Variants in AFF1 observed in about 807,000 individuals in gnomAD.
AFF1 encodes the protein ALF transcription elongation factor 1.
Under a neutral mutation model 121.7 loss-of-function variants are expected in AFF1, and 48 were observed. The ratio of observed to expected loss-of-function variants is 0.39; its 90% CI spans 0.31 to 0.50. AFF1 has a LOEUF of 0.50. Among genes scored for constraint, AFF1 ranks in the 20% least tolerant of loss-of-function variants. The probability of loss-of-function intolerance (pLI) is 0.76; values close to 1 mark genes in which losing one functional copy is unlikely to be tolerated. For missense variants in AFF1, 1,523 were observed against 1,511.7 expected, an observed-to-expected ratio of 1.01 and a Z score of -0.12; for synonymous variants, 613 against 563.0, an observed-to-expected ratio of 1.09 and a Z score of -1.26.
At chr4:86,940,194 C>G (rs996570272) in intron 1 of AFF1, among the ~76,000 whole-genome samples, 2 of 152,212 alleles carry the variant, frequency 1.3e-5, no homozygotes, top group Middle Eastern at 3.4e-3. Flanking sequence ...GAGGTTTTAC[C>G]CTACTCTCAA....
chr4:87,105,099 T>A (rs1200469576), intron 8 of AFF1, among the ~76,000 whole-genome samples: 1 of 152,240 alleles, frequency 6.6e-6, no homozygotes, highest in Non-Finnish European at 1.5e-5. Flanking sequence ...TGTATTTAAT[T>A]CTAATGTTGA....
chr4:86,950,079 C>A, intron 2 of AFF1: 2 of 1,614,076 alleles, frequency 1.2e-6, no homozygotes, highest in South Asian at 2.2e-5. Context: ...ATCCACGCGG[C>A]GAAGCCCCAG....
At chr4:87,083,352 C>T (rs947319842) in intron 4 of AFF1, among the ~76,000 whole-genome samples, 4 of 152,082 alleles carry the variant, frequency 2.6e-5, no homozygotes, top group East Asian at 3.9e-4. Context: ...ACTTTGTGTG[C>T]GTCTGTGTAT....
chr4:87,008,450 A>G (rs1387173919), intron 2 of AFF1, among the ~76,000 whole-genome samples: 2 of 152,304 alleles, frequency 1.3e-5, no homozygotes, highest in African/African-American at 2.4e-5. Flanking sequence ...AGTACCTCCT[A>G]TGTGCTACCT....
At chr4:87,022,582 A>ATATATATATATC (rs1316133807) in intron 2 of AFF1, among the ~76,000 whole-genome samples, 4 of 88,566 alleles carry the variant, frequency 4.5e-5, no homozygotes, top group Admixed American at 1.2e-4. Context: ...ATATATATAT[A>ATATATATATATC]TCTATCTATA....
At chr4:86,962,461 TAATA>T (rs1722222756) in intron 2 of AFF1, among the ~76,000 whole-genome samples, 1 of 152,246 alleles carries the variant, frequency 6.6e-6, no homozygotes. Context: ...AATAGACATT[TAATA>T]AATATTAATT....
chr4:86,988,328 C>T (rs1354887419), intron 2 of AFF1, among the ~76,000 whole-genome samples: 1 of 152,086 alleles, frequency 6.6e-6, no homozygotes, highest in African/African-American at 2.4e-5. Flanking sequence ...CTCCATACCC[C>T]GCCTCCCAGC....
At chr4:87,086,028 C>T (rs779203235) in intron 5 of AFF1, among the ~76,000 whole-genome samples, 72 of 152,292 alleles carry the variant, frequency 4.7e-4, no homozygotes, top group Admixed American at 3.3e-3. Flanking sequence ...CGTGAGCCAC[C>T]GTACCTGGCT....
rs1723244535 is a variant in AFF1 at position 86,975,583 on chromosome 4, A to G, written c.38+27012A>G. On this transcript the variant is annotated intron_variant, in intron 2 of 20. Transcript: ENST00000395146. ...TTAATCTTTATTTGGTTTCAGTCCA[A>G]CAAATAGTTATTGAGGTTTTCCCAC... Among the ~76,000 whole-genome samples, 4 of 152,216 alleles carry G rather than the reference A, an allele frequency of 2.6e-5. No individual in the cohort carries two copies. The South Asian group carries it at 6.2e-4, about 24-fold the overall frequency.
chr4:86,985,412 G>A lies in AFF1; in HGVS notation c.38+36841G>A, dbSNP rs968862315. On this transcript the variant is annotated intron_variant, in intron 2 of 20. Transcript: ENST00000395146. ...TGTAATCTCAGCTACTCAGGAGCCT[G>A]AGACAGGAGAATTGCTGGAACCTGG... Among the ~76,000 whole-genome samples the A allele has an allele frequency of 5.3e-5, 8 of 150,520 alleles. No homozygotes were observed. In the East Asian group the frequency reaches 1.6e-3, roughly 29 times the overall value.
intron 4 of AFF1, among the ~76,000 whole-genome samples, chr4:87,071,431 G>T (rs1256265780): frequency 6.6e-6 from 1 of 152,126 alleles, no homozygotes; most frequent in African/African-American, 2.4e-5. Flanking sequence ...GTGTTGCTGT[G>T]GCTGTAGAAA....
chr4:86,937,346 G>A (rs1354344420), intron 1 of AFF1, among the ~76,000 whole-genome samples: 1 of 152,144 alleles, frequency 6.6e-6, no homozygotes, highest in Admixed American at 6.5e-5. Context: ...TCCTACATGC[G>A]TAACAGGCAT....
At chr4:86,995,770 C>T (rs1275862381) in intron 2 of AFF1, among the ~76,000 whole-genome samples, 1 of 151,964 alleles carries the variant, frequency 6.6e-6, no homozygotes, top group African/African-American at 2.4e-5. Flanking sequence ...TGCCAGGCCG[C>T]CCATCGTCTG....
In AFF1 at chr4:87,139,616, C is replaced by A. The variant is rs1289457250; in HGVS notation, c.*3915C>A. ...GATGCTAGGATCAATTATGGCAGTA[C>A]CTTTTTTCCCCTCCTGTTCTTGAGC... On this transcript the variant is annotated 3_prime_UTR_variant, in exon 21 of 21. Coordinates refer to ENST00000395146, the MANE Select transcript of AFF1 (RefSeq NM_001166693.3). 4.4e-6 allele frequency: 1 copy of A among 229,782 alleles called. No individual in the cohort carries two copies. The highest frequency in any genetic ancestry group is 8.6e-6 in the Non-Finnish European group (1 of 115,868). The allele number at this position is 229,782 out of a possible 1,614,324, so 14.2% of individuals were successfully genotyped here. A position where few individuals can be genotyped will look rare whatever the true frequency, so the allele number is the denominator to read the frequency against.
chr4:87,090,590 T>G (rs974177394), intron 6 of AFF1, among the ~76,000 whole-genome samples: 5 of 152,194 alleles, frequency 3.3e-5, no homozygotes, highest in African/African-American at 1.2e-4. Context: ...TTGGATAACC[T>G]TCAAAATGTA....
intron 4 of AFF1, among the ~76,000 whole-genome samples, chr4:87,053,804 A>G (rs1030994863): frequency 6.6e-6 from 1 of 152,266 alleles, no homozygotes; most frequent in Non-Finnish European, 1.5e-5. Context: ...ACTCAGATCC[A>G]TGTATAAGAA....
intron 4 of AFF1, among the ~76,000 whole-genome samples, chr4:87,060,369 A>G (rs1046234492): frequency 7.2e-5 from 11 of 152,212 alleles, no homozygotes; most frequent in Admixed American, 6.5e-4. Context: ...GTGTGTGTAT[A>G]TATACTTCTT....
At chr4:86,955,408 T>G (rs1721665919) in intron 2 of AFF1, among the ~76,000 whole-genome samples, 1 of 152,252 alleles carries the variant, frequency 6.6e-6, no homozygotes, top group Non-Finnish European at 1.5e-5. Flanking sequence ...CTTTCTAATT[T>G]CTTTTTCCTT....
chr4:87,131,606 G>A (rs1012275457), intron 17 of AFF1, among the ~76,000 whole-genome samples, 187 bp from the exon 18 acceptor site: 2 of 152,178 alleles, frequency 1.3e-5, no homozygotes, highest in Non-Finnish European at 2.9e-5. Flanking sequence ...CACAAGAGAC[G>A]TGTACTCACC....
Sources: allele counts gnomAD v4.1 joint callset (sites outside exome capture counted in the v4.1 genomes callset), GRCh38; gene constraint gnomAD v4.1.1; transcripts MANE v1.5; gene names NCBI Gene and HGNC (gene_info 2026-07-23, HGNC 2026-07-21).